RPL35: variants seen among roughly 807,000 people sequenced by gnomAD.
RPL35 encodes large ribosomal subunit protein uL29.
A neutral mutation model predicts 15.6 loss-of-function variants in RPL35; 2 were observed. The observed-to-expected ratio is 0.13, with a 90% confidence interval of 0.05 to 0.40. RPL35 has a LOEUF of 0.40. RPL35 is among the 10% of genes least tolerant of loss of function. The pLI, the probability that RPL35 is intolerant of heterozygous loss-of-function variation, is 0.99. For synonymous variants in RPL35, 93 were observed against 67.9 expected, an observed-to-expected ratio of 1.37 and a Z score of -1.82; for missense variants, 111 against 164.7, an observed-to-expected ratio of 0.67 and a Z score of 1.79.
chr9:124,861,375 G>A (rs1352008072), intron 2 of RPL35, 44 bp downstream of exon 2: 2 of 1,584,226 alleles, frequency 1.3e-6, no homozygotes, highest in Admixed American at 1.8e-5. Context: ...CGATGCACAC[G>A]TGCTCCCCAC....
At chr9:124,858,454 T>C in intron 3 of RPL35, 1 of 715,934 alleles carries the variant, frequency 1.4e-6, no homozygotes. Context: ...GTAGTTACCA[T>C]TACCTCGGCT....
At chr9:124,861,271 G>C (rs1829192647) in intron 2 of RPL35, 148 bp downstream of exon 2, 1 of 983,990 alleles carries the variant, frequency 1.0e-6, no homozygotes, top group Non-Finnish European at 1.5e-6. Context: ...AAGAGGCTAA[G>C]CACACAACGG....
At chr9:124,859,580 T>G (rs143377092) in intron 3 of RPL35, among the ~76,000 whole-genome samples, 5 of 152,200 alleles carry the variant, frequency 3.3e-5, no homozygotes, top group African/African-American at 1.2e-4. Flanking sequence ...TCAGAATACA[T>G]TGGATGCATG....
chr9:124,861,234 C>G, intron 2 of RPL35, 185 bp downstream of exon 2: 1 of 718,022 alleles, frequency 1.4e-6, no homozygotes, highest in South Asian at 1.8e-5. Flanking sequence ...GCATTCCAGG[C>G]ACAAGGACCG....
rs747665656 is a variant in RPL35, at chr9:124,861,562, G to C, written c.4-7C>G. 3 of 1,613,302 alleles carry C rather than the reference G, an allele frequency of 1.9e-6. No homozygotes were observed. The highest frequency in any genetic ancestry group is 8.5e-7 in the Non-Finnish European group (1 of 1,179,768). On this transcript the variant is annotated splice_polypyrimidine_tract_variant and splice_region_variant and intron_variant, in intron 1 of 3. Coordinates refer to ENST00000348462, the MANE Select transcript of RPL35 (RefSeq NM_007209.4). ...CTCGAGCCTTGATCTTGGCCTGCGCGCAAGAGAGAGTGTGCCTCAGCCAGG... is the reference window on the plus strand; with the variant it reads ...CTCGAGCCTTGATCTTGGCCTGCGCCCAAGAGAGAGTGTGCCTCAGCCAGG...
At position 124,860,211 on chromosome 9, in the gene RPL35, T is replaced by C; in HGVS notation, c.194A>G (p.Gln65Arg). Residue 65 changes from glutamine (Q) to arginine (R), a missense_variant, in exon 3 of 4, where the codon CAG becomes CGG. Gln to Arg is a conservative substitution (Grantham distance 43). Transcript: ENST00000348462. ...GTAGAATTTCCTGAGGTTTTCTTTC[T>C]GAGTCTGGTTAATAACTGTGAGAAC... Reference protein sequence around the residue: ...ARVLTVINQTQKENLRKFYKG... With the variant: ...ARVLTVINQTRKENLRKFYKG... The C allele has an allele frequency of 1.2e-6, 2 of 1,614,166 alleles. No homozygotes were observed. The highest frequency in any genetic ancestry group is 1.3e-5 in the African/African-American group (1 of 75,078).
intron 3 of RPL35, among the ~76,000 whole-genome samples, chr9:124,859,771 T>C (rs1449047087): frequency 6.6e-6 from 1 of 152,184 alleles, no homozygotes; most frequent in African/African-American, 2.4e-5. Flanking sequence ...GGGCCCATCA[T>C]GCCATTGACT....
chr9:124,860,255 G>C lies in RPL35; in HGVS notation c.150C>G (p.Val50=), dbSNP rs1264152342. 1 of 1,613,868 alleles carries C rather than the reference G, an allele frequency of 6.2e-7. No individual in the cohort carries two copies. The highest frequency in any genetic ancestry group is 1.6e-4 in the Middle Eastern group (1 of 6,062). ...AASKLSKIRV[V]RKSIARVLTV... ...TGAGAACACGGGCAATGGATTTCCG[G>C]ACGACTCGGCTACAAAACAGAGATG... is the stretch of plus-strand genomic sequence containing the variant. Residue 50 remains valine (V), a synonymous_variant, in exon 3 of 4, where the codon GTC becomes GTG. Transcript: ENST00000348462.
At position 124,860,280 on chromosome 9, in the gene RPL35, G is replaced by A. The variant is rs767991332; in HGVS notation, c.141-16C>T. 3 of 1,606,840 alleles carry A rather than the reference G, an allele frequency of 1.9e-6. No individual in the cohort carries two copies. The African/African-American group carries it at 4.0e-5, about 21-fold the overall frequency. ...GACGACTCGGCTACAAAACAGAGAT[G>A]TCAGTGAAGATAGGGAAGACACATA... On this transcript the variant is annotated splice_polypyrimidine_tract_variant and intron_variant, in intron 2 of 3. Coordinates refer to ENST00000348462, the MANE Select transcript of RPL35 (RefSeq NM_007209.4).
chr9:124,861,481 C>T lies in RPL35; in HGVS notation c.78G>A (p.Val26=), dbSNP rs1461417814. 2.5e-6 allele frequency: 4 copies of T among 1,614,006 alleles called. No individual in the cohort carries two copies. The South Asian group carries it at 4.4e-5, about 18-fold the overall frequency. Residue 26 remains valine (V), a synonymous_variant, in exon 2 of 4, where the codon GTG becomes GTA. Transcript: ENST00000348462. ...ELLKQLDDLK[V]ELSQLRVAKV... is the part of the protein sequence containing the mutation. ...TGGCGACGCGCAGCTGGGACAGCTCCACCTTCAGGTCGTCCAGCTGTTTCA... is the reference window on the plus strand; with the variant it reads ...TGGCGACGCGCAGCTGGGACAGCTCTACCTTCAGGTCGTCCAGCTGTTTCA...
intron 3 of RPL35, 32 bp downstream of exon 3, chr9:124,860,151 A>C: frequency 6.4e-7 from 1 of 1,554,912 alleles, no homozygotes; most frequent in Middle Eastern, 1.8e-4. Flanking sequence ...GGCTTCCTGC[A>C]GCCAACCCTC....
rs1015872817 is a variant in RPL35, at chr9:124,858,227, C to CA, written c.223-161dup. 2.1e-4 allele frequency: 141 copies of CA among 674,016 alleles called. No homozygotes were observed. In the African/African-American group the frequency reaches 2.5e-3, roughly 12 times the overall value. 41.8% of individuals were successfully genotyped at this position (674,016 alleles called of 1,614,324 possible). A position where few individuals can be genotyped will look rare whatever the true frequency, so the allele number is the denominator to read the frequency against. On this transcript the variant is annotated intron_variant, in intron 3 of 3. Coordinates refer to ENST00000348462, the MANE Select transcript of RPL35 (RefSeq NM_007209.4). ...ATGTCACTAACTCAATTAATCCCCC[C>CA]AAATCTAAGGCTGGTGGGACCATCC... is the stretch of plus-strand genomic sequence containing the variant.
rs1408470925 is a variant in RPL35 at position 124,861,444 on chromosome 9, C to T, written c.115G>A (p.Gly39Ser). Reference sequence around the variant, plus strand: ...ATCTTAGAGAGCTTGGAGGCCGCACCGCCTGTCACTTTGGCGACGCGCAGC... The same window carrying T: ...ATCTTAGAGAGCTTGGAGGCCGCACTGCCTGTCACTTTGGCGACGCGCAGC... ...SQLRVAKVTG[G>S]AASKLSKIRV... The change falls in exon 2 of 4, where the codon GGT (glycine) becomes AGT (serine). Residue 39 changes from glycine (G) to serine (S), a missense_variant. By Grantham distance (56) the Gly-to-Ser change is moderately conservative. Transcript: ENST00000348462. 6.2e-7 allele frequency: 1 copy of T among 1,613,648 alleles called. No homozygotes were observed. Among genetic ancestry groups the T allele is most frequent in the Non-Finnish European group, 8.5e-7 (1 of 1,179,924 alleles).
chr9:124,861,918 C>T lies in RPL35; in HGVS notation c.-6G>A, dbSNP rs773138632. 1 of 1,596,936 alleles carries T rather than the reference C, an allele frequency of 6.3e-7. No individual in the cohort carries two copies. The highest frequency in any genetic ancestry group is 1.7e-5 in the Admixed American group (1 of 57,712). On this transcript the variant is annotated 5_prime_UTR_variant, in exon 1 of 4. Coordinates refer to ENST00000348462, the MANE Select transcript of RPL35 (RefSeq NM_007209.4). ...GATTCCGCAGCTCTCACCATTGCTG[C>T]ACAAGCCGCCAACGCCGCCGCCCGC...
At chr9:124,861,661 G>A in intron 1 of RPL35, 106 bp from the exon 2 acceptor site, 1 of 1,492,400 alleles carries the variant, frequency 6.7e-7, no homozygotes, top group Non-Finnish European at 9.1e-7. Flanking sequence ...CTACGAGTGC[G>A]CCGGAGCCCC....
At chr9:124,861,187 G>C (rs1036860089) in intron 2 of RPL35, 4 of 513,780 alleles carry the variant, frequency 7.8e-6, no homozygotes, top group Non-Finnish European at 1.4e-5. Flanking sequence ...GGTCCGGGTA[G>C]GCTTTGAAGG....
rs766219039 is a variant in RPL35, at chr9:124,861,920, C to G, written c.-8G>C. 1 of 1,593,652 alleles carries G rather than the reference C, an allele frequency of 6.3e-7. No homozygotes were observed. Among genetic ancestry groups the G allele is most frequent in the Non-Finnish European group, 8.5e-7 (1 of 1,172,034 alleles). ...TTCCGCAGCTCTCACCATTGCTGCA[C>G]AAGCCGCCAACGCCGCCGCCCGCTC... On this transcript the variant is annotated 5_prime_UTR_variant, in exon 1 of 4. Transcript: ENST00000348462.
intron 2 of RPL35, 145 bp from the exon 3 acceptor site, chr9:124,860,409 G>A: frequency 8.5e-6 from 6 of 706,334 alleles, no homozygotes; most frequent in Non-Finnish European, 1.3e-5. Flanking sequence ...TGGGAGTGAG[G>A]TCTGAGGAGG....
chr9:124,861,804 C>T, intron 1 of RPL35, 106 bp downstream of exon 1: 1 of 1,459,394 alleles, frequency 6.9e-7, no homozygotes. Context: ...GCGCGGCGCC[C>T]CACAGGCCTA....
Sources: gnomAD v4.1 joint callset for allele counts (sites outside exome capture counted in the v4.1 genomes callset) on GRCh38, gnomAD v4.1.1 for gene constraint, MANE v1.5 for transcripts, NCBI Gene and HGNC (gene_info 2026-07-23, HGNC 2026-07-21) for gene names.